RAB5B: variants seen among roughly 807,000 people sequenced by gnomAD.
RAB5B encodes the protein ras-related protein Rab-5B.
In RAB5B, 11 loss-of-function variants were observed where a neutral mutation model predicts 28.6. The ratio of observed to expected loss-of-function variants is 0.38; its 90% CI spans 0.24 to 0.64. RAB5B has a LOEUF of 0.64. Ranked by LOEUF, RAB5B falls within the 30% of genes least tolerant of loss-of-function variation. The pLI, the probability that RAB5B is intolerant of heterozygous loss-of-function variation, is 0.53. For synonymous variants in RAB5B, 93 were observed against 97.9 expected (o/e 0.95, Z 0.29); for missense variants, 169 against 265.6 (o/e 0.64, Z 2.53).
At chr12:55,978,795 C>T (rs578095993) in intron 1 of RAB5B, among the ~76,000 whole-genome samples, 12 of 138,442 alleles carry the variant, frequency 8.7e-5, no homozygotes, top group Non-Finnish European at 1.9e-4. Flanking sequence ...TTTTTTGAGA[C>T]GGATTCTTGC....
At position 55,987,066 on chromosome 12, in the gene RAB5B, C is replaced by G. The variant is rs749501744; in HGVS notation, c.106C>G (p.Leu36Val). 1 of 1,614,044 alleles carries G rather than the reference C, an allele frequency of 6.2e-7. No homozygotes were observed. The highest frequency in any genetic ancestry group is 1.1e-5 in the South Asian group (1 of 91,082). Residue 36 changes from leucine (L) to valine (V), a missense_variant, in exon 2 of 6, where the codon CTG becomes GTG. Around this residue, in one of 3 missense-constraint regions of RAB5B, gnomAD observed 43 missense variants for 85.8 expected, o/e 0.50. Coordinates refer to ENST00000360299, the MANE Select transcript of RAB5B (RefSeq NM_002868.4). ...AGAATCTGCAGTGGGAAAGTCAAGCCTGGTATTACGTTTTGTCAAAGGGCA... is the reference window on the plus strand; with the variant it reads ...AGAATCTGCAGTGGGAAAGTCAAGCGTGGTATTACGTTTTGTCAAAGGGCA... ...LGESAVGKSS[L>V]VLRFVKGQFH... is the part of the protein sequence containing the mutation.
intron 1 of RAB5B, among the ~76,000 whole-genome samples, chr12:55,983,607 CCT>C (rs1451971119): frequency 6.6e-6 from 1 of 151,478 alleles, no homozygotes; most frequent in East Asian, 1.9e-4. Context: ...TGAGTTCTCA[CCT>C]CTCATTCTTT....
intron 1 of RAB5B, among the ~76,000 whole-genome samples, chr12:55,975,298 C>T (rs943674934): frequency 5.3e-5 from 8 of 152,094 alleles, no homozygotes; most frequent in African/African-American, 1.7e-4. Context: ...CGAAACTATG[C>T]GGTGATATCA....
chr12:55,987,166 G>T (rs1565788252), intron 2 of RAB5B, 43 bp downstream of exon 2: 5 of 1,273,344 alleles, frequency 3.9e-6, no homozygotes, highest in African/African-American at 1.6e-5. Context: ...TTTGGTAAGG[G>T]TTTTTTTTTT....
chr12:55,991,925 C>CAAA, intron 5 of RAB5B, 172 bp from the exon 6 acceptor site: 20 of 479,726 alleles, frequency 4.2e-5, no homozygotes, highest in Admixed American at 7.4e-5. Flanking sequence ...GACTCCATCT[C>CAAA]AAAAAAAAAA....
At chr12:55,979,814 CTT>C (rs1206286165) in intron 1 of RAB5B, among the ~76,000 whole-genome samples, 1 of 152,182 alleles carries the variant, frequency 6.6e-6, no homozygotes, top group East Asian at 1.9e-4. Context: ...CTGGTGTTCT[CTT>C]TAGAGTTCAG....
At position 55,992,073 on chromosome 12, in the gene RAB5B, GTTCTC is replaced by G. The variant is rs759454654; in HGVS notation, c.533-16_533-12del. 4.0e-5 allele frequency: 63 copies of G among 1,593,744 alleles called. No homozygotes were observed. In the Middle Eastern group the frequency reaches 1.5e-3, roughly 38 times the overall value. ...AGGGAAGTAAAGTCTACCATACTTT[GTTCTC>G]TTCTCTTTTTATCTCTAGCTAAGAA... is the stretch of plus-strand genomic sequence containing the variant. On this transcript the variant is annotated intron_variant, in intron 5 of 5. Coordinates refer to ENST00000360299, the MANE Select transcript of RAB5B (RefSeq NM_002868.4).
At chr12:55,974,822 C>T (rs1293357112) in intron 1 of RAB5B, among the ~76,000 whole-genome samples, 2 of 151,872 alleles carry the variant, frequency 1.3e-5, no homozygotes, top group Admixed American at 1.3e-4. Context: ...GGGCTGGGGG[C>T]TCTGGGTCTT....
chr12:55,991,565 A>T (rs1161965056), intron 5 of RAB5B, 112 bp downstream of exon 5: 1 of 795,558 alleles, frequency 1.3e-6, no homozygotes, highest in Non-Finnish European at 2.1e-6. Flanking sequence ...AACTTTAGGT[A>T]TGGAAATACC....
At chr12:55,983,580 A>G (rs775596377) in intron 1 of RAB5B, among the ~76,000 whole-genome samples, 4 of 151,186 alleles carry the variant, frequency 2.6e-5, no homozygotes, top group Non-Finnish European at 4.4e-5. Context: ...GTATTAATCT[A>G]GTCTACTTTG....
intron 1 of RAB5B, chr12:55,980,770 G>T (rs745501132): frequency 1.3e-6 from 2 of 1,578,170 alleles, no homozygotes; most frequent in Non-Finnish European, 8.7e-7. Context: ...CCGTGATGTC[G>T]TATGCTAGGA....
chr12:55,996,003 A>ATATATATATTTTTT lies in RAB5B; in HGVS notation c.*3792_*3793insATATATATTTTTTT. ...TATATACATATATATATATATATAT[A>ATATATATATTTTTT]TTTTTTTTTTAACAACTGGTAGGAT... On this transcript the variant is annotated 3_prime_UTR_variant, in exon 6 of 6. Transcript: ENST00000360299. The ATATATATATTTTTT allele has an allele frequency of 0.013, 1,217 of 97,012 alleles. 26 individuals carry two copies. The highest frequency in any genetic ancestry group is 0.019 in the Non-Finnish European group (937 of 50,194). 6.0% of individuals were successfully genotyped at this position (97,012 alleles called of 1,614,324 possible).
At position 55,990,670 on chromosome 12, in the gene RAB5B, A is replaced by T; in HGVS notation, c.316-12A>T. 1 of 1,613,048 alleles carries T rather than the reference A, an allele frequency of 6.2e-7. No individual in the cohort carries two copies. The highest frequency in any genetic ancestry group is 1.3e-5 in the African/African-American group (1 of 75,010). ...TCATTCCAGCCTACTCATTCTCTTC[A>T]TGTTTTCCTAGGAAACCTTTGCCCG... is the stretch of plus-strand genomic sequence containing the variant. On this transcript the variant is annotated splice_polypyrimidine_tract_variant and intron_variant, in intron 3 of 5. Coordinates refer to ENST00000360299, the MANE Select transcript of RAB5B (RefSeq NM_002868.4).
At chr12:55,990,287 A>T in intron 3 of RAB5B, 189 bp downstream of exon 3, 1 of 570,718 alleles carries the variant, frequency 1.8e-6, no homozygotes, top group Non-Finnish European at 2.9e-6. Context: ...GCGCGCCTGT[A>T]GTCCCAGCTA....
chr12:55,982,384 T>G (rs1011341094), intron 1 of RAB5B, among the ~76,000 whole-genome samples: 1 of 152,184 alleles, frequency 6.6e-6, no homozygotes, highest in Admixed American at 6.5e-5. Flanking sequence ...AATGATACCC[T>G]TATAAACATG....
intron 2 of RAB5B, among the ~76,000 whole-genome samples, chr12:55,988,992 A>AGTGCAGTG (rs1156791540): frequency 7.6e-5 from 9 of 119,192 alleles, no homozygotes; most frequent in African/African-American, 2.3e-4. Flanking sequence ...CCCAGGCTGG[A>AGTGCAGTG]GTGCAGTGGT....
chr12:55,983,381 TACTC>T (rs1368792741), intron 1 of RAB5B, among the ~76,000 whole-genome samples: 2 of 152,250 alleles, frequency 1.3e-5, no homozygotes, highest in African/African-American at 4.8e-5. Flanking sequence ...TAATTAAAGA[TACTC>T]ATTTAAATTG....
chr12:55,977,581 A>G (rs1889681678), intron 1 of RAB5B, among the ~76,000 whole-genome samples: 1 of 152,222 alleles, frequency 6.6e-6, no homozygotes, highest in Non-Finnish European at 1.5e-5. Context: ...GGCATAGGGT[A>G]GAAGAAGCAA....
intron 3 of RAB5B, 115 bp downstream of exon 3, chr12:55,990,213 T>G (rs1890069150): frequency 2.5e-6 from 3 of 1,194,590 alleles, no homozygotes; most frequent in East Asian, 2.6e-5. Context: ...ATTGAGACCA[T>G]CCTGGCCAAC....
Sources: gnomAD v4.1 joint callset for allele counts (sites outside exome capture counted in the v4.1 genomes callset) on GRCh38, gnomAD v4.1.1 for gene constraint, gnomAD v4.1.1 regional missense constraint, MANE v1.5 for transcripts, NCBI Gene and HGNC (gene_info 2026-07-23, HGNC 2026-07-21) for gene names.